MEGF6: variants seen among roughly 807,000 people sequenced by gnomAD.
MEGF6 encodes multiple epidermal growth factor-like domains protein 6.
Under a neutral mutation model 207.1 loss-of-function variants are expected in MEGF6, and 184 were observed. The ratio of observed to expected loss-of-function variants is 0.89; its 90% CI spans 0.79 to 1.00. MEGF6 has a LOEUF of 1.00. Among genes scored for constraint, MEGF6 ranks in the 50% least tolerant of loss-of-function variants. The pLI, the probability that MEGF6 is intolerant of heterozygous loss-of-function variation, is 0.00. For missense variants in MEGF6, 2,282 were observed against 2,202.9 expected, an observed-to-expected ratio of 1.04 and a Z score of -0.72; for synonymous variants, 1,038 against 910.0, an observed-to-expected ratio of 1.14 and a Z score of -2.53.
intron 4 of MEGF6, among the ~76,000 whole-genome samples, chr1:3,562,796 C>T (rs752577751): frequency 1.3e-5 from 2 of 152,196 alleles, no homozygotes; most frequent in Non-Finnish European, 2.9e-5. Flanking sequence ...ACCAGCCCCT[C>T]GACCAGACCG....
intron 7 of MEGF6, among the ~76,000 whole-genome samples, chr1:3,512,516 G>A (rs1038995739): frequency 3.9e-5 from 6 of 152,240 alleles, no homozygotes; most frequent in South Asian, 2.1e-4. Context: ...CAGTTCCCAC[G>A]TGTGGTGGGA....
intron 3 of MEGF6, among the ~76,000 whole-genome samples, chr1:3,593,136 C>A (rs1208519385): frequency 6.6e-6 from 1 of 152,172 alleles, no homozygotes. Flanking sequence ...AGGACGGGCC[C>A]AAAGCTCACC....
chr1:3,593,744 C>T lies in MEGF6; in HGVS notation c.376+1594G>A, dbSNP rs376714802. Among the ~76,000 whole-genome samples, 323 of 152,170 alleles carry T rather than the reference C, an allele frequency of 2.1e-3. 11 individuals carry two copies. The South Asian group carries it at 0.052, about 25-fold the overall frequency. On this transcript the variant is annotated intron_variant, in intron 3 of 36. Transcript: ENST00000356575. Reference sequence around the variant, plus strand: ...AAAAGACCCCTTTGTTCCTCCCAGACGACAGGAGCAAAGAAACAGGCACAG... The same window carrying T: ...AAAAGACCCCTTTGTTCCTCCCAGATGACAGGAGCAAAGAAACAGGCACAG...
At chr1:3,617,282 T>C in the MEGF6 span, among the ~76,000 whole-genome samples, 1 of 152,152 alleles carries the variant, frequency 6.6e-6, no homozygotes, top group Non-Finnish European at 1.5e-5. Context: ...CCCGCCACCA[T>C]GCTAGCAGCT....
chr1:3,492,679 A>C lies in MEGF6; in HGVS notation c.4476T>G (p.Cys1492Trp). Residue 1492 changes from cysteine to tryptophan, a missense_variant, in exon 35 of 37, where the codon TGT (cysteine) becomes TGG (tryptophan). Physicochemically the swap from Cys to Trp is radical, Grantham distance 215 (BLOSUM62 -2). Transcript: ENST00000356575. ...GADCDPVSGQ[C>W]HCVDGYMGPT... ...GCCCCATGTAGCCATCCACACAGTG[A>C]CACTGCCCACTGACAGGGTCGCAGT... The C allele has an allele frequency of 6.2e-7, 1 of 1,612,622 alleles. No homozygotes were observed. Among genetic ancestry groups the C allele is most frequent in the Non-Finnish European group, 8.5e-7 (1 of 1,179,856 alleles).
At chr1:3,602,342 C>A in intron 2 of MEGF6, 124 bp downstream of exon 2, 1 of 1,406,518 alleles carries the variant, frequency 7.1e-7, no homozygotes, top group East Asian at 2.5e-5. Flanking sequence ...GGGCTTCAGG[C>A]AGGGGTTGCG....
intron 21 of MEGF6, among the ~76,000 whole-genome samples, 175 bp downstream of exon 21, chr1:3,500,458 C>A (rs987595994): frequency 6.6e-6 from 1 of 152,386 alleles, no homozygotes; most frequent in South Asian, 2.1e-4. Context: ...TGCGCATGTG[C>A]GTGCCTGCAC....
chr1:3,532,972 T>C (rs1355028291), intron 4 of MEGF6, among the ~76,000 whole-genome samples: 2 of 152,178 alleles, frequency 1.3e-5, no homozygotes, highest in East Asian at 1.9e-4. Context: ...TCAAATTCAA[T>C]TGAGCAGAAC....
chr1:3,497,142 G>C lies in MEGF6; in HGVS notation c.3482-23C>G, dbSNP rs370965330. 5.8e-6 allele frequency: 9 copies of C among 1,553,358 alleles called. No homozygotes were observed. In the South Asian group the frequency reaches 9.5e-5, roughly 16 times the overall value. ...AGGCTGGGTGGAGACAGGCAGGGTC[G>C]GTCCTGGCCCAGCCCCGCCAAGGAA... On this transcript the variant is annotated intron_variant, in intron 27 of 36. Transcript: ENST00000356575.
In MEGF6 at chr1:3,500,956, G is replaced by GC. The variant is rs1187117921; in HGVS notation, c.2575+9dup. The GC allele has an allele frequency of 1.2e-6, 2 of 1,611,022 alleles. No homozygotes were observed. The highest frequency in any genetic ancestry group is 3.3e-5 in the Admixed American group (2 of 59,988). On this transcript the variant is annotated intron_variant, in intron 20 of 36. Transcript: ENST00000356575. Reference sequence around the variant, plus strand: ...TGTCTGGACAAAGGGCAAGCCAAGGGCCCCCGTACCTCTCTGGCAGCTAAA... The same window carrying GC: ...TGTCTGGACAAAGGGCAAGCCAAGGGCCCCCCGTACCTCTCTGGCAGCTAAA...
At position 3,488,340 on chromosome 1, in the gene MEGF6, G is replaced by A. The variant is rs746392775; in HGVS notation, c.*2188C>T. Among the ~76,000 whole-genome samples, 5 of 152,164 alleles carry A rather than the reference G, an allele frequency of 3.3e-5. No individual in the cohort carries two copies. Among genetic ancestry groups the A allele is most frequent in the East Asian group, 1.9e-4 (1 of 5,200 alleles). On this transcript the variant is annotated 3_prime_UTR_variant, in exon 37 of 37. Coordinates refer to ENST00000356575, the MANE Select transcript of MEGF6 (RefSeq NM_001409.4). Reference sequence around the variant, plus strand: ...GCTGAACACTGTGTCTTCACTGAGCGGGATGAGTGATTGGTACCTGCCAGG... The same window carrying A: ...GCTGAACACTGTGTCTTCACTGAGCAGGATGAGTGATTGGTACCTGCCAGG...
At chr1:3,535,776 G>A (rs1642309563) in intron 4 of MEGF6, among the ~76,000 whole-genome samples, 1 of 152,218 alleles carries the variant, frequency 6.6e-6, no homozygotes, top group Non-Finnish European at 1.5e-5. Context: ...GTCATGCAGG[G>A]AAGAGAAGTG....
chr1:3,495,636 T>C (rs901931059), intron 30 of MEGF6, among the ~76,000 whole-genome samples: 5 of 152,070 alleles, frequency 3.3e-5, no homozygotes, highest in Admixed American at 6.5e-5. Context: ...GGTCACTGGG[T>C]GGCCTGAGCC....
chr1:3,573,790 T>A lies in MEGF6; in HGVS notation c.481+6035A>T, dbSNP rs1557786671. Reference sequence around the variant, plus strand: ...TCGCCAAGAGCAGCCCTGGGTGGCGTCTGGAGCTCGGGCGAGGGGTCAGAC... The same window carrying A: ...TCGCCAAGAGCAGCCCTGGGTGGCGACTGGAGCTCGGGCGAGGGGTCAGAC... On this transcript the variant is annotated intron_variant, in intron 4 of 36. Transcript: ENST00000356575. The surrounding 1 kb of genome is among the most constrained non-coding windows in gnomAD (Gnocchi z 5.1). 6.6e-6 allele frequency among the ~76,000 whole-genome samples: 1 copy of A among 152,036 alleles called. No individual in the cohort carries two copies. The highest frequency in any genetic ancestry group is 1.5e-5 in the Non-Finnish European group (1 of 67,980).
intron 3 of MEGF6, among the ~76,000 whole-genome samples, chr1:3,585,603 G>A (rs1643882308): frequency 7.0e-6 from 1 of 142,364 alleles, no homozygotes; most frequent in Admixed American, 7.1e-5. Flanking sequence ...CGTCCTGTGT[G>A]TGGGTGTGAG....
rs1173980802 is a variant in MEGF6 at position 3,501,370 on chromosome 1, A to G, written c.2315-62T>C. On this transcript the variant is annotated intron_variant, in intron 18 of 36. Transcript: ENST00000356575. Reference sequence around the variant, plus strand: ...TGCCCTTGCTCAACACATCAACATAACATGGCACGATGCCCCTGGAGCCAC... The same window carrying G: ...TGCCCTTGCTCAACACATCAACATAGCATGGCACGATGCCCCTGGAGCCAC... 4 of 1,526,150 alleles carry G rather than the reference A, an allele frequency of 2.6e-6. No homozygotes were observed. The African/African-American group carries it at 5.5e-5, about 21-fold the overall frequency. The allele number at this position is 1,526,150 out of a possible 1,614,324, so 94.5% of individuals were successfully genotyped here. A position where few individuals can be genotyped will look rare whatever the true frequency, so the allele number is the denominator to read the frequency against.
chr1:3,603,510 G>A (rs1157069889), intron 1 of MEGF6, among the ~76,000 whole-genome samples: 2 of 152,120 alleles, frequency 1.3e-5, no homozygotes, highest in Non-Finnish European at 2.9e-5. Flanking sequence ...GAAAGAAGAG[G>A]CTTGTCCTGC....
Position 3,579,867 on chromosome 1 carries a change from A to G in MEGF6, c.439T>C (p.Cys147Arg). The G allele has an allele frequency of 6.5e-7, 1 of 1,540,056 alleles. No individual in the cohort carries two copies. The highest frequency in any genetic ancestry group is 2.6e-5 in the East Asian group (1 of 39,118). Reference protein sequence around the residue: ...GRCVPGSAQPCHCPPGFQGPR... With the variant: ...GRCVPGSAQPRHCPPGFQGPR... ...CCCTGGAAGCCGGGGGGACAGTGAC[A>G]CGGCTGGGCTGAGCCTGGCACACAA... Residue 147 changes from cysteine (C) to arginine (R), a missense_variant, in exon 4 of 37, where the codon TGT becomes CGT. Physicochemically the swap from Cys to Arg is radical, Grantham distance 180 (BLOSUM62 -3). Transcript: ENST00000356575.
chr1:3,573,094 G>T lies in MEGF6; in HGVS notation c.481+6731C>A, dbSNP rs1260240983. Among the ~76,000 whole-genome samples the T allele has an allele frequency of 6.7e-6, 1 of 149,150 alleles. No individual in the cohort carries two copies. The highest frequency in any genetic ancestry group is 1.5e-5 in the Non-Finnish European group (1 of 67,506). On this transcript the variant is annotated intron_variant, in intron 4 of 36. Transcript: ENST00000356575. The surrounding 1 kb of genome is among the most constrained non-coding windows in gnomAD (Gnocchi z 5.1). ...GGCTGGGTTCCCTCAGGTGTGCTGG[G>T]TCCTTCCTGGTATGCTGGGTCCTCC...
Sources: allele counts gnomAD v4.1 joint callset (sites outside exome capture counted in the v4.1 genomes callset), GRCh38; gene constraint gnomAD v4.1.1; non-coding constraint Gnocchi (gnomAD v3.1); transcripts MANE v1.5; gene names NCBI Gene and HGNC (gene_info 2026-07-23, HGNC 2026-07-21).